Variants in PDE10A observed in about 807,000 individuals in gnomAD.
The protein encoded by PDE10A is phosphodiesterase 10A, also known as cAMP and cAMP-inhibited cGMP 3',5'-cyclic phosphodiesterase 10A.
A neutral mutation model predicts 97.7 loss-of-function variants in PDE10A; 39 were observed. The observed-to-expected ratio is 0.40, with a 90% confidence interval of 0.31 to 0.52. PDE10A has a LOEUF of 0.52. PDE10A is among the 20% of genes least tolerant of loss of function. PDE10A has a pLI of 0.56. For synonymous variants in PDE10A, 371 were observed against 376.8 expected (o/e 0.98, Z 0.18); for missense variants, 731 against 1,047.8 (o/e 0.70, Z 4.17).
chr6:165,506,182 T>A (rs1373397867), intron 2 of PDE10A, among the ~76,000 whole-genome samples: 3 of 152,112 alleles, frequency 2.0e-5, no homozygotes, highest in Admixed American at 2.0e-4. Flanking sequence ...GCAGATTAAT[T>A]TTGTCACTTA....
intron 1 of PDE10A, among the ~76,000 whole-genome samples, chr6:165,792,945 G>A (rs984466394): frequency 1.3e-5 from 2 of 152,162 alleles, no homozygotes; most frequent in Admixed American, 6.5e-5. Flanking sequence ...GGTCAAGGCC[G>A]GCAGGCACAG....
At chr6:165,706,082 C>T (rs562245308) in intron 1 of PDE10A, among the ~76,000 whole-genome samples, 1 of 152,338 alleles carries the variant, frequency 6.6e-6, no homozygotes, top group Admixed American at 6.5e-5. Context: ...ATCCCAGGAA[C>T]ATGCAGAGGG....
rs113965081 is a variant in PDE10A, at chr6:165,619,659, A to C, written c.865+42288T>G. Among the ~76,000 whole-genome samples the C allele has an allele frequency of 7.1e-3, 469 of 66,408 alleles. 10 individuals carry two copies. Among genetic ancestry groups the C allele is most frequent in the African/African-American group, 0.017 (450 of 25,998 alleles). The allele number at this position is 66,408 out of a possible 152,430, so 43.6% of individuals were successfully genotyped here. ...GTAGTGTAGTATAGTCTAGTGTAGT[A>C]TAGTCTAGTGTAGTGTAGTCTAGTG... is the stretch of plus-strand genomic sequence containing the variant. On this transcript the variant is annotated intron_variant, in intron 1 of 21. Transcript: ENST00000539869.
At chr6:165,705,917 C>T (rs1791697588) in intron 1 of PDE10A, among the ~76,000 whole-genome samples, 1 of 152,086 alleles carries the variant, frequency 6.6e-6, no homozygotes, top group Admixed American at 6.5e-5. Flanking sequence ...ATGGATTTGC[C>T]CAAAATCTAA....
chr6:165,433,893 T>C (rs978522292), intron 6 of PDE10A, among the ~76,000 whole-genome samples: 1 of 151,606 alleles, frequency 6.6e-6, no homozygotes, highest in African/African-American at 2.4e-5. Context: ...GGCAGGCGCC[T>C]GTAGTCCCAG....
chr6:165,674,999 C>A (rs1433629946), intron 1 of PDE10A, among the ~76,000 whole-genome samples: 3 of 152,190 alleles, frequency 2.0e-5, no homozygotes, highest in Non-Finnish European at 4.4e-5. Flanking sequence ...CAAACAAGAC[C>A]TTTTCTCCTG....
At chr6:165,339,012 T>A (rs1272795338) in intron 20 of PDE10A, among the ~76,000 whole-genome samples, 1 of 152,200 alleles carries the variant, frequency 6.6e-6, no homozygotes, top group East Asian at 1.9e-4. Context: ...GAGTATAAAC[T>A]CTTTTAGAGT....
chr6:165,747,711 C>T (rs535924404), intron 1 of PDE10A, among the ~76,000 whole-genome samples: 60 of 152,192 alleles, frequency 3.9e-4, no homozygotes, highest in African/African-American at 7.5e-4. Flanking sequence ...AGGATGTGGC[C>T]GCCTGGCATG....
At chr6:165,713,524 G>T (rs1238559444) in intron 1 of PDE10A, among the ~76,000 whole-genome samples, 1 of 152,248 alleles carries the variant, frequency 6.6e-6, no homozygotes, top group Non-Finnish European at 1.5e-5. Context: ...AAGATGCTCA[G>T]AAGAGCTGGC....
intron 1 of PDE10A, among the ~76,000 whole-genome samples, chr6:165,767,967 A>T (rs1777908326): frequency 6.6e-6 from 1 of 152,136 alleles, no homozygotes; most frequent in African/African-American, 2.4e-5. Context: ...GTTTTTTTTA[A>T]AAACCATCCT....
intron 1 of PDE10A, among the ~76,000 whole-genome samples, chr6:165,776,050 C>A (rs910718314): frequency 1.3e-5 from 2 of 152,018 alleles, no homozygotes; most frequent in African/African-American, 2.4e-5. Context: ...AGAAAGTAAC[C>A]AATAGTATTG....
Position 165,651,287 on chromosome 6 carries a change from T to C in PDE10A, c.865+10660A>G, listed in dbSNP as rs1273095405. Reference sequence around the variant, plus strand: ...GTTTTCAAAGAGCCATTTACTTCCCTTCCGTTGTGATTTGTCTTGTTCATC... The same window carrying C: ...GTTTTCAAAGAGCCATTTACTTCCCCTCCGTTGTGATTTGTCTTGTTCATC... On this transcript the variant is annotated intron_variant, in intron 1 of 21. Coordinates refer to ENST00000539869, the MANE Select transcript of PDE10A (RefSeq NM_001385079.1). Among the ~76,000 whole-genome samples, 3 of 152,382 alleles carry C rather than the reference T, an allele frequency of 2.0e-5. No homozygotes were observed. In the East Asian group the frequency reaches 5.8e-4, roughly 29 times the overall value.
intron 1 of PDE10A, among the ~76,000 whole-genome samples, chr6:165,815,900 C>T (rs186302120): frequency 3.9e-5 from 6 of 151,946 alleles, no homozygotes; most frequent in Admixed American, 6.6e-5. Context: ...TGAGTTGCCT[C>T]GTGACACGAT....
chr6:165,663,342 C>A (rs953780708), upstream of PDE10A, among the ~76,000 whole-genome samples: 4 of 152,046 alleles, frequency 2.6e-5, no homozygotes, highest in Non-Finnish European at 5.9e-5. Context: ...CTCCCGCACC[C>A]GAGTGATCCT....
chr6:165,669,010 G>C (rs1254303679), intron 1 of PDE10A, among the ~76,000 whole-genome samples: 2 of 152,208 alleles, frequency 1.3e-5, no homozygotes, highest in Non-Finnish European at 2.9e-5. Flanking sequence ...TAGAAGCACC[G>C]TGGCTTCTCA....
At chr6:165,369,275 T>C (rs1784042287) in intron 18 of PDE10A, among the ~76,000 whole-genome samples, 1 of 151,940 alleles carries the variant, frequency 6.6e-6, no homozygotes, top group Admixed American at 6.6e-5. Context: ...ACGATCAAAT[T>C]ACTCTGAGCT....
Position 165,343,479 on chromosome 6 carries a change from A to C in PDE10A, c.2807T>G (p.Met936Arg). The C allele has an allele frequency of 6.2e-7, 1 of 1,613,894 alleles. No individual in the cohort carries two copies. The highest frequency in any genetic ancestry group is 8.5e-7 in the Non-Finnish European group (1 of 1,179,788). ...CACAGAACAAAGGTCACAGGCAGTC[A>C]TCATCAAACCAATTACACGGTCTCT... ...SHRDRVIGLM[M>R]TACDLCSVTK... Residue 936 changes from methionine to arginine, a missense_variant, in exon 19 of 22, where the codon ATG becomes AGG. Met to Arg is a moderately conservative substitution (Grantham distance 91). Coordinates refer to ENST00000539869, the MANE Select transcript of PDE10A (RefSeq NM_001385079.1).
At chr6:165,865,017 T>C (rs1781001328) in intron 1 of PDE10A, among the ~76,000 whole-genome samples, 1 of 152,248 alleles carries the variant, frequency 6.6e-6, no homozygotes, top group African/African-American at 2.4e-5. Context: ...CTTTAAAATG[T>C]ATGCTTTACC....
intron 1 of PDE10A, among the ~76,000 whole-genome samples, chr6:165,761,239 A>C (rs1243353819): frequency 6.6e-6 from 1 of 152,230 alleles, no homozygotes; most frequent in East Asian, 1.9e-4. Context: ...TGGCCGTGTG[A>C]CAAGAACCCT....
Sources: gnomAD v4.1 joint callset for allele counts (sites outside exome capture counted in the v4.1 genomes callset) on GRCh38, gnomAD v4.1.1 for gene constraint, MANE v1.5 for transcripts, NCBI Gene and HGNC (gene_info 2026-07-23, HGNC 2026-07-21) for gene names.